KIF26B: variants seen among roughly 807,000 people sequenced by gnomAD.
KIF26B encodes the protein kinesin-like protein KIF26B.
A neutral mutation model predicts 151.2 loss-of-function variants in KIF26B; 63 were observed. The observed-to-expected ratio is 0.42, with a 90% CI of 0.34 to 0.51. The LOEUF (loss-of-function observed/expected upper bound fraction) is 0.51. Among genes scored for constraint, KIF26B ranks in the 20% least tolerant of loss-of-function variants. The pLI is 0.07. For missense variants in KIF26B, 2,813 were observed against 2,913.6 expected (o/e 0.97, Z 0.79); for synonymous variants, 1,357 against 1,262.1 (o/e 1.08, Z -1.59).
At chr1:245,468,653 A>G (rs996492320) in intron 4 of KIF26B, among the ~76,000 whole-genome samples, 1 of 151,790 alleles carries the variant, frequency 6.6e-6, no homozygotes, top group Non-Finnish European at 1.5e-5. Context: ...CTGAGAAATT[A>G]TTGTCTGAAA....
At position 245,348,959 on chromosome 1, in the gene KIF26B, C is replaced by T. The variant is rs187831333; in HGVS notation, c.466-17875C>T. Among the ~76,000 whole-genome samples the T allele has an allele frequency of 1.7e-3, 254 of 152,252 alleles. 4 individuals are homozygous for T. The highest frequency in any genetic ancestry group is 2.5e-4 in the Non-Finnish European group (17 of 68,026). ...ACTCTGAGCATGCTGTGGAAAAGGG[C>T]CTCATTCCAATACACAAAGTCCCTT... On this transcript the variant is annotated intron_variant, in intron 2 of 14. Transcript: ENST00000407071.
Position 245,216,847 on chromosome 1 carries a change from C to T in KIF26B, c.465+60164C>T, listed in dbSNP as rs562174498. Among the ~76,000 whole-genome samples the T allele has an allele frequency of 2.0e-5, 3 of 152,314 alleles. No individual in the cohort carries two copies. In the South Asian group the frequency reaches 6.2e-4, roughly 32 times the overall value. On this transcript the variant is annotated intron_variant, in intron 2 of 14. Coordinates refer to ENST00000407071, the MANE Select transcript of KIF26B (RefSeq NM_018012.4). ...CTTCAAAGGAGGACCACGTTCCTGC[C>T]TCAACTGCGTCTGCAGTTTTTTGAA...
intron 2 of KIF26B, among the ~76,000 whole-genome samples, chr1:245,312,093 C>G (rs1671676815): frequency 6.6e-6 from 1 of 152,130 alleles, no homozygotes; most frequent in Non-Finnish European, 1.5e-5. Flanking sequence ...CTGGGTCTAC[C>G]TACAGCATGG....
chr1:245,394,669 C>T lies in KIF26B; in HGVS notation c.1000-24910C>T, dbSNP rs557265886. Among the ~76,000 whole-genome samples, 8 of 149,842 alleles carry T rather than the reference C, an allele frequency of 5.3e-5. No individual in the cohort carries two copies. In the East Asian group the frequency reaches 1.6e-3, roughly 29 times the overall value. On this transcript the variant is annotated intron_variant, in intron 3 of 14. Coordinates refer to ENST00000407071, the MANE Select transcript of KIF26B (RefSeq NM_018012.4). ...TAAAAATATAAAGCATTAAAAAGTACCTTCAAGTTTTTTTCTTTCTTTTTT... is the reference window on the plus strand; with the variant it reads ...TAAAAATATAAAGCATTAAAAAGTATCTTCAAGTTTTTTTCTTTCTTTTTT...
At chr1:245,362,343 A>G (rs1195657001) in intron 2 of KIF26B, among the ~76,000 whole-genome samples, 1 of 144,682 alleles carries the variant, frequency 6.9e-6, no homozygotes, top group Non-Finnish European at 1.5e-5. Flanking sequence ...CCTGGCCAAG[A>G]TGGTGAAACC....
chr1:245,530,900 T>C (rs1661344349), intron 4 of KIF26B, among the ~76,000 whole-genome samples: 1 of 152,234 alleles, frequency 6.6e-6, no homozygotes. Context: ...GTGATTATCA[T>C]TCAATAAATA....
At chr1:245,609,587 G>A (rs994928146) in intron 8 of KIF26B, 59 bp downstream of exon 8, 1 of 1,442,794 alleles carries the variant, frequency 6.9e-7, no homozygotes, top group Non-Finnish European at 9.1e-7. Flanking sequence ...CTCAGAGGCT[G>A]GGGCAGCTCC....
chr1:245,604,303 G>C (rs2043427094), intron 6 of KIF26B, among the ~76,000 whole-genome samples: 1 of 152,154 alleles, frequency 6.6e-6, no homozygotes, highest in Non-Finnish European at 1.5e-5. Context: ...TTTCCTCCAG[G>C]CTGCATCTGA....
At chr1:245,418,217 G>A (rs1462303566) in intron 3 of KIF26B, among the ~76,000 whole-genome samples, 3 of 152,196 alleles carry the variant, frequency 2.0e-5, no homozygotes, top group East Asian at 3.9e-4. Flanking sequence ...AAAGGAAGCC[G>A]GAGGAGAGGC....
intron 9 of KIF26B, among the ~76,000 whole-genome samples, chr1:245,644,660 T>C (rs1469657709): frequency 6.6e-6 from 1 of 152,212 alleles, no homozygotes; most frequent in East Asian, 1.9e-4. Context: ...TTCTGGGTAT[T>C]CAACCCAATG....
At chr1:245,305,599 TTGA>T (rs764567669) in intron 2 of KIF26B, among the ~76,000 whole-genome samples, 1 of 152,148 alleles carries the variant, frequency 6.6e-6, no homozygotes, top group Non-Finnish European at 1.5e-5. Flanking sequence ...ATATGAAGTG[TTGA>T]TGAGGATGTG....
At chr1:245,683,746 T>A (rs747627560) in intron 10 of KIF26B, among the ~76,000 whole-genome samples, 1 of 152,208 alleles carries the variant, frequency 6.6e-6, no homozygotes, top group Non-Finnish European at 1.5e-5. Flanking sequence ...GTTTCCTGGC[T>A]AAAGGAACTG....
In KIF26B at chr1:245,707,474, G is replaced by T. The variant is rs571932843; in HGVS notation, c.*4868G>T. ...AGTTCTAATTTATTTGTGAACTCAGGATGTTGCTTTACAGCATTGCTCGTG... is the reference window on the plus strand; with the variant it reads ...AGTTCTAATTTATTTGTGAACTCAGTATGTTGCTTTACAGCATTGCTCGTG... On this transcript the variant is annotated 3_prime_UTR_variant, in exon 15 of 15. Coordinates refer to ENST00000407071, the MANE Select transcript of KIF26B (RefSeq NM_018012.4). 6.6e-6 allele frequency: 1 copy of T among 152,318 alleles called. No homozygotes were observed. The highest frequency in any genetic ancestry group is 2.1e-4 in the South Asian group (1 of 4,822). 9.4% of individuals were successfully genotyped at this position (152,318 alleles called of 1,614,324 possible). A position where few individuals can be genotyped will look rare whatever the true frequency, so the allele number is the denominator to read the frequency against.
chr1:245,683,967 G>A (rs1042224789), intron 10 of KIF26B, among the ~76,000 whole-genome samples: 8 of 152,148 alleles, frequency 5.3e-5, no homozygotes, highest in African/African-American at 9.7e-5. Context: ...AGACACACAC[G>A]CCCAGGAACA....
At chr1:245,465,031 T>G (rs1164794015) in intron 4 of KIF26B, among the ~76,000 whole-genome samples, 1 of 136,560 alleles carries the variant, frequency 7.3e-6, no homozygotes, top group Non-Finnish European at 1.6e-5. Context: ...CAGGCTGGAG[T>G]GCAGGGGCGC....
intron 2 of KIF26B, among the ~76,000 whole-genome samples, chr1:245,317,375 C>A (rs940537057): frequency 2.0e-5 from 3 of 152,186 alleles, no homozygotes; most frequent in Non-Finnish European, 4.4e-5. Context: ...GTTGCTATCC[C>A]CCAGGGTTGA....
chr1:245,312,684 G>T (rs766431045), intron 2 of KIF26B, among the ~76,000 whole-genome samples: 1 of 152,174 alleles, frequency 6.6e-6, no homozygotes, highest in Non-Finnish European at 1.5e-5. Flanking sequence ...GTCTCAGAGA[G>T]GTTACGTGAC....
chr1:245,255,563 G>A (rs529878283), intron 2 of KIF26B, among the ~76,000 whole-genome samples: 6 of 152,220 alleles, frequency 3.9e-5, no homozygotes, highest in African/African-American at 1.4e-4. Flanking sequence ...TGCTTGGTAC[G>A]ATTACACAGC....
intron 9 of KIF26B, among the ~76,000 whole-genome samples, chr1:245,621,100 C>T (rs2043653887): frequency 6.6e-6 from 1 of 152,148 alleles, no homozygotes; most frequent in South Asian, 2.1e-4. Context: ...GTGCTGCCCT[C>T]CAGCCCAATT....
Sources: gnomAD v4.1 joint callset for allele counts (sites outside exome capture counted in the v4.1 genomes callset) on GRCh38, gnomAD v4.1.1 for gene constraint, MANE v1.5 for transcripts, NCBI Gene and HGNC (gene_info 2026-07-23, HGNC 2026-07-21) for gene names.